The following EBF3 variants were observed in gnomAD, a reference collection of about 807,000 sequenced individuals.
EBF3 encodes the protein EBF transcription factor 3, also known as transcription factor COE3.
A neutral mutation model predicts 77.1 loss-of-function variants in EBF3; 18 were observed. The ratio of observed to expected loss-of-function variants is 0.23; its 90% CI spans 0.16 to 0.35. The LOEUF (loss-of-function observed/expected upper bound fraction) is 0.35, where lower values mean the gene tolerates loss of function less well. EBF3 is among the 10% of genes least tolerant of loss of function. EBF3 has a pLI of 1.00. For synonymous variants in EBF3, 350 were observed against 343.5 expected (o/e 1.02, Z -0.21); for missense variants, 558 against 860.0 (o/e 0.65, Z 4.39).
At chr10:129,892,752 A>G (rs1854107296) in intron 6 of EBF3, among the ~76,000 whole-genome samples, 1 of 152,240 alleles carries the variant, frequency 6.6e-6, no homozygotes, top group African/African-American at 2.4e-5. Flanking sequence ...GCTTGCTTTC[A>G]CTGAGCAGGG....
chr10:129,909,121 G>A (rs1391864212), intron 6 of EBF3, among the ~76,000 whole-genome samples: 1 of 152,176 alleles, frequency 6.6e-6, no homozygotes, highest in Non-Finnish European at 1.5e-5. Flanking sequence ...ACTCTTCCCA[G>A]AGGGTGGCTC....
chr10:129,910,306 C>T (rs1396187187), intron 6 of EBF3, among the ~76,000 whole-genome samples: 4 of 152,340 alleles, frequency 2.6e-5, no homozygotes, highest in Admixed American at 6.5e-5. Flanking sequence ...AAGAGTTAAC[C>T]GCATCTGTTG....
intron 6 of EBF3, among the ~76,000 whole-genome samples, chr10:129,900,557 C>A (rs538113894): frequency 1.3e-5 from 2 of 152,304 alleles, no homozygotes; most frequent in African/African-American, 2.4e-5. Flanking sequence ...TCCTGGGCAA[C>A]CCCCAGTGCC....
intron 7 of EBF3, among the ~76,000 whole-genome samples, chr10:129,875,574 C>T (rs1332030585): frequency 1.3e-5 from 2 of 152,222 alleles, no homozygotes; most frequent in Non-Finnish European, 2.9e-5. Context: ...ACCCAAATGC[C>T]CTCATCGGGG....
intron 6 of EBF3, among the ~76,000 whole-genome samples, chr10:129,955,990 T>G (rs1015292492): frequency 1.4e-4 from 22 of 152,220 alleles, no homozygotes; most frequent in African/African-American, 4.6e-4. Context: ...ATAATTATAT[T>G]GATTTTCATA....
chr10:129,876,960 C>T (rs1420156979), intron 7 of EBF3, among the ~76,000 whole-genome samples: 1 of 130,138 alleles, frequency 7.7e-6, no homozygotes, highest in East Asian at 2.5e-4. Context: ...AAACCAGAGA[C>T]AGGACTTAGC....
Position 129,843,166 on chromosome 10 carries a change from C to T in EBF3, c.1165G>A (p.Ala389Thr). Residue 389 changes from alanine (A) to threonine (T), a missense_variant, in exon 12 of 17, where the codon GCC (alanine) becomes ACC (threonine). This residue lies in a region of EBF3 where 284 missense variants were observed against 368.3 expected (regional missense o/e 0.77). Coordinates refer to ENST00000440978, the MANE Select transcript of EBF3 (RefSeq NM_001375380.1). The part of the protein sequence containing the change: ...LLKRAADLVE[A>T]LYGMPHNNQE... ...TTGTTGTGAGGCATTCCGTATAAGG[C>T]TTCCACCAGGTCCGCCGCCCGCTTC... The T allele has an allele frequency of 6.2e-7, 1 of 1,613,674 alleles. No individual in the cohort carries two copies. Among genetic ancestry groups the T allele is most frequent in the Non-Finnish European group, 8.5e-7 (1 of 1,179,818 alleles).
chr10:129,878,897 G>A (rs1237187427), intron 6 of EBF3, among the ~76,000 whole-genome samples: 10 of 150,800 alleles, frequency 6.6e-5, no homozygotes, highest in African/African-American at 2.2e-4. Flanking sequence ...TTCTTGAGGC[G>A]GTAATGAAAC....
chr10:129,937,862 G>A (rs1406638791), intron 6 of EBF3, among the ~76,000 whole-genome samples: 1 of 152,178 alleles, frequency 6.6e-6, no homozygotes, highest in Admixed American at 6.5e-5. Flanking sequence ...AATTCCCGGG[G>A]AAACATTCCA....
chr10:129,900,687 T>A lies in EBF3; in HGVS notation c.555-22838A>T, dbSNP rs145107852. Among the ~76,000 whole-genome samples the A allele has an allele frequency of 3.9e-5, 6 of 152,402 alleles. No individual in the cohort carries two copies. In the South Asian group the frequency reaches 1.2e-3, roughly 32 times the overall value. On this transcript the variant is annotated intron_variant, in intron 6 of 16. Transcript: ENST00000440978. The stretch of plus-strand genomic sequence containing the variant: ...TTTCCTAAACAGCCCCCAACATTGA[T>A]GGTGCTGTAGCCAGGCTTTGCCTGT...
At chr10:129,948,222 C>G (rs1613727) in intron 6 of EBF3, among the ~76,000 whole-genome samples, 3,292 of 136,200 alleles carry the variant, frequency 0.024, 141 homozygotes, top group African/African-American at 0.087. Flanking sequence ...TGCACCATTG[C>G]ACTCCAGCCT....
chr10:129,906,445 G>A (rs1020326417), intron 6 of EBF3, among the ~76,000 whole-genome samples: 1 of 152,116 alleles, frequency 6.6e-6, no homozygotes, highest in Non-Finnish European at 1.5e-5. Flanking sequence ...CCCTGTACAG[G>A]AGCCCTCTTA....
At chr10:129,914,252 C>G (rs141994168) in intron 6 of EBF3, among the ~76,000 whole-genome samples, 3 of 152,262 alleles carry the variant, frequency 2.0e-5, no homozygotes, top group East Asian at 3.9e-4. Flanking sequence ...CTGAGGAGGG[C>G]AATCTTGCAC....
chr10:129,928,385 T>C lies in EBF3; in HGVS notation c.554+28873A>G, dbSNP rs183688277. On this transcript the variant is annotated intron_variant, in intron 6 of 16. Coordinates refer to ENST00000440978, the MANE Select transcript of EBF3 (RefSeq NM_001375380.1). ...GCATATTTAAACAAAACTGGGATCA[T>C]CCAGTACACACATTTTTATATCATT... is the stretch of plus-strand genomic sequence containing the variant. Among the ~76,000 whole-genome samples, 59 of 152,342 alleles carry C rather than the reference T, an allele frequency of 3.9e-4. 1 individual carries two copies. Among genetic ancestry groups the C allele is most frequent in the Admixed American group, 9.1e-4 (14 of 15,306 alleles).
intron 8 of EBF3, among the ~76,000 whole-genome samples, chr10:129,872,355 T>TTTG: frequency 6.6e-6 from 1 of 152,340 alleles, no homozygotes; most frequent in East Asian, 1.9e-4. Flanking sequence ...TTATTATATT[T>TTTG]TTGTTCTCTT....
intron 6 of EBF3, among the ~76,000 whole-genome samples, chr10:129,931,918 C>G (rs1162310007): frequency 6.6e-6 from 1 of 152,156 alleles, no homozygotes; most frequent in African/African-American, 2.4e-5. Flanking sequence ...CATACACACT[C>G]CTGGCCCAAG....
At chr10:129,928,046 T>C (rs752719634) in intron 6 of EBF3, among the ~76,000 whole-genome samples, 14 of 152,112 alleles carry the variant, frequency 9.2e-5, no homozygotes, top group African/African-American at 2.2e-4. Flanking sequence ...AGAAATGAGA[T>C]CTAACAGGAA....
At chr10:129,852,540 G>A (rs1278373114) in intron 10 of EBF3, among the ~76,000 whole-genome samples, 1 of 152,100 alleles carries the variant, frequency 6.6e-6, no homozygotes, top group African/African-American at 2.4e-5. Flanking sequence ...CATTTTGATG[G>A]CTTAACCTTC....
chr10:129,875,893 C>A (rs952486809), intron 7 of EBF3, among the ~76,000 whole-genome samples: 3 of 152,226 alleles, frequency 2.0e-5, no homozygotes, highest in African/African-American at 7.2e-5. Flanking sequence ...AGGCCCAGCC[C>A]TGGGCATTGA....
Sources: gnomAD v4.1 joint callset for allele counts (sites outside exome capture counted in the v4.1 genomes callset) on GRCh38, gnomAD v4.1.1 for gene constraint, gnomAD v4.1.1 regional missense constraint, MANE v1.5 for transcripts, NCBI Gene and HGNC (gene_info 2026-07-23, HGNC 2026-07-21) for gene names.